Variants in ANK3 observed in about 807,000 individuals in gnomAD.
ANK3 encodes ankyrin-3.
In ANK3, 57 loss-of-function variants were observed where a neutral mutation model predicts 370.9. The ratio of observed to expected loss-of-function variants is 0.15; its 90% CI spans 0.12 to 0.19. The LOEUF (loss-of-function observed/expected upper bound fraction) is 0.19. ANK3 is among the 10% of genes least tolerant of loss of function. The pLI is 1.00. For missense variants in ANK3, 4,439 were observed against 5,302.1 expected (o/e 0.84, Z 5.06); for synonymous variants, 1,929 against 1,946.3 (o/e 0.99, Z 0.23).
At position 60,264,769 on chromosome 10, in the gene ANK3, G is replaced by T. The variant is rs539537647; in HGVS notation, c.514-749C>A. Among the ~76,000 whole-genome samples the T allele has an allele frequency of 1.3e-4, 20 of 152,150 alleles. No homozygotes were observed. The East Asian group carries it at 3.3e-3, about 25-fold the overall frequency. On this transcript the variant is annotated intron_variant, in intron 5 of 43. Coordinates refer to ENST00000280772, the MANE Select transcript of ANK3 (RefSeq NM_020987.5). ...GTATGTCTGTCTGGTTCATTACTGT[G>T]CCCTGTTGCCTCGCATATTCCTGGT...
chr10:60,083,724 GTC>G, intron 32 of ANK3, 107 bp from the exon 33 acceptor site: 1 of 929,198 alleles, frequency 1.1e-6, no homozygotes, highest in Non-Finnish European at 1.6e-6. Context: ...TGTTACACGT[GTC>G]TCTATTAGGC....
chr10:60,072,035 G>A lies in ANK3; in HGVS notation c.8846C>T (p.Ser2949Phe), dbSNP rs748473760. ...DHPGGLLDQP[S>F]RRSESSAVSH... ...CACTGCTGAGCTCTCGCTCCTCCTG[G>A]AAGGCTGATCAAGCAATCCGCCTGG... Residue 2949 changes from serine to phenylalanine, a missense_variant, in exon 37 of 44, where the codon TCC becomes TTC. Coordinates refer to ENST00000280772, the MANE Select transcript of ANK3 (RefSeq NM_020987.5). 4 of 1,614,066 alleles carry A rather than the reference G, an allele frequency of 2.5e-6. No homozygotes were observed. The Admixed American group carries it at 6.7e-5, about 27-fold the overall frequency.
chr10:60,556,936 G>C (rs917432283), intron 2 of ANK3, among the ~76,000 whole-genome samples: 3 of 152,206 alleles, frequency 2.0e-5, no homozygotes, highest in Non-Finnish European at 4.4e-5. Flanking sequence ...CATGAGCCCT[G>C]TTGTGAACTG....
At chr10:60,538,475 T>C (rs1938538) in intron 2 of ANK3, among the ~76,000 whole-genome samples, 107,707 of 151,696 alleles carry the variant, frequency 0.71, 38,342 homozygotes, top group South Asian at 0.88. Context: ...CTGGCTCCCA[T>C]GTTGCCTCTT....
intron 2 of ANK3, among the ~76,000 whole-genome samples, chr10:60,520,696 T>A (rs374235763): frequency 6.6e-6 from 1 of 152,142 alleles, no homozygotes; most frequent in African/African-American, 2.4e-5. Flanking sequence ...TTTGTATTAC[T>A]CCCTAGAGTA....
At chr10:60,042,413 G>C (rs2076257951) in intron 43 of ANK3, among the ~76,000 whole-genome samples, 1 of 152,124 alleles carries the variant, frequency 6.6e-6, no homozygotes, top group Non-Finnish European at 1.5e-5. Context: ...ATTTATACTT[G>C]CTTCTGCAAA....
chr10:60,537,986 T>C (rs1413370703), intron 2 of ANK3, among the ~76,000 whole-genome samples: 3 of 152,066 alleles, frequency 2.0e-5, no homozygotes, highest in Non-Finnish European at 4.4e-5. Flanking sequence ...GTGTAATGAA[T>C]AAATTCTCGG....
At chr10:60,284,596 C>T (rs2098217010) in intron 1 of ANK3, among the ~76,000 whole-genome samples, 2 of 152,156 alleles carry the variant, frequency 1.3e-5, no homozygotes, top group African/African-American at 4.8e-5. Context: ...CATTTTCCAT[C>T]AGTTCATCCA....
At chr10:60,653,943 C>T (rs2078827423) in intron 1 of ANK3, among the ~76,000 whole-genome samples, 1 of 152,180 alleles carries the variant, frequency 6.6e-6, no homozygotes, top group South Asian at 2.1e-4. Flanking sequence ...TAGATGAATT[C>T]AAGGAGAAAG....
At chr10:60,376,885 A>G (rs2060858099) in intron 1 of ANK3, among the ~76,000 whole-genome samples, 1 of 152,258 alleles carries the variant, frequency 6.6e-6, no homozygotes, top group Non-Finnish European at 1.5e-5. Context: ...TAGTTGGAAT[A>G]AATGCAGATG....
intron 1 of ANK3, among the ~76,000 whole-genome samples, chr10:60,379,862 G>T (rs916104429): frequency 6.6e-6 from 1 of 151,848 alleles, no homozygotes; most frequent in Admixed American, 6.6e-5. Context: ...GGATGATATC[G>T]AACATGTCCA....
rs1330908691 is a variant in ANK3 at position 60,071,027 on chromosome 10, T to C, written c.9854A>G (p.Asn3285Ser). 3.7e-6 allele frequency: 6 copies of C among 1,614,054 alleles called. No individual in the cohort carries two copies. The highest frequency in any genetic ancestry group is 5.1e-6 in the Non-Finnish European group (6 of 1,180,010). ...PEKEVDMIEV[N>S]LQDEHDKYQL... is the part of the protein sequence containing the mutation. The stretch of plus-strand genomic sequence containing the variant: ...GTACTTGTCATGCTCATCTTGCAGA[T>C]TGACTTCAATCATGTCAACCTCTTT... Residue 3285 changes from asparagine (N) to serine (S), a missense_variant, in exon 37 of 44, where the codon AAT becomes AGT. Coordinates refer to ENST00000280772, the MANE Select transcript of ANK3 (RefSeq NM_020987.5).
rs759186781 is a variant in ANK3 at position 60,084,622 on chromosome 10, C to A, written c.4054G>T (p.Ala1352Ser). ...GGTACCTCAATATCTTTGCTTCTTG[C>A]GACTTCCTCAAAATTCTCTTGTTGC... ...LEQQENFEEVARSKDIEVLEG... is the reference protein window; with the variant it reads ...LEQQENFEEVSRSKDIEVLEG... Residue 1352 changes from alanine (A) to serine (S), a missense_variant, in exon 32 of 44, where the codon GCA becomes TCA. Physicochemically the swap from Ala to Ser is moderately conservative, Grantham distance 99 (BLOSUM62 1). Transcript: ENST00000280772. 3 of 1,613,734 alleles carry A rather than the reference C, an allele frequency of 1.9e-6. No homozygotes were observed. Among genetic ancestry groups the A allele is most frequent in the South Asian group, 1.1e-5 (1 of 91,060 alleles).
chr10:60,544,897 G>A (rs2076927269), intron 2 of ANK3, among the ~76,000 whole-genome samples: 1 of 147,574 alleles, frequency 6.8e-6, no homozygotes, highest in Non-Finnish European at 1.5e-5. Context: ...AGTGGTAGAT[G>A]TGTAGTTACA....
intron 24 of ANK3, chr10:60,138,541 T>G (rs1418496051): frequency 4.9e-6 from 2 of 405,366 alleles, no homozygotes; most frequent in Non-Finnish European, 8.7e-6. Flanking sequence ...TGCTCTCTTT[T>G]AATCATGAAT....
intron 28 of ANK3, among the ~76,000 whole-genome samples, chr10:60,096,948 C>T (rs1342934802): frequency 6.6e-6 from 1 of 152,074 alleles, no homozygotes; most frequent in African/African-American, 2.4e-5. Context: ...TATGAAAAGA[C>T]CCTGAAATTC....
intron 8 of ANK3, among the ~76,000 whole-genome samples, chr10:60,227,384 T>G (rs994855878): frequency 1.8e-4 from 27 of 152,064 alleles, no homozygotes; most frequent in African/African-American, 6.3e-4. Context: ...TTTTGACTCT[T>G]TGTGTGATAT....
chr10:60,108,044 C>A, intron 27 of ANK3: 1 of 233,338 alleles, frequency 4.3e-6, no homozygotes, highest in Non-Finnish European at 8.7e-6. Context: ...TTCAGTGACA[C>A]ACATCAACTG....
intron 2 of ANK3, among the ~76,000 whole-genome samples, chr10:60,411,448 C>T (rs967577619): frequency 6.6e-6 from 1 of 152,126 alleles, no homozygotes; most frequent in East Asian, 1.9e-4. Flanking sequence ...AAAATAACAA[C>T]AGCAACTAAA....
Sources: gnomAD v4.1 joint callset for allele counts (sites outside exome capture counted in the v4.1 genomes callset) on GRCh38, gnomAD v4.1.1 for gene constraint, MANE v1.5 for transcripts, NCBI Gene and HGNC (gene_info 2026-07-23, HGNC 2026-07-21) for gene names.